UBA7: variants seen among roughly 807,000 people sequenced by gnomAD.
UBA7 encodes the protein ubiquitin-like modifier-activating enzyme 7.
UBA7 carries 88 observed loss-of-function variants against 113.0 expected under a neutral mutation model. That is an observed-to-expected ratio of 0.78 (90% CI 0.66 to 0.93). UBA7 has a LOEUF of 0.93. Among genes scored for constraint, UBA7 ranks in the 40% least tolerant of loss-of-function variants. The pLI is 0.00. For missense variants in UBA7, 1,092 were observed against 1,266.4 expected, an observed-to-expected ratio of 0.86 and a Z score of 2.09; for synonymous variants, 459 against 513.0, an observed-to-expected ratio of 0.89 and a Z score of 1.42.
chr3:49,807,725 C>T lies in UBA7; in HGVS notation c.2715+11G>A. The T allele has an allele frequency of 1.9e-6, 3 of 1,597,428 alleles. No homozygotes were observed. The highest frequency in any genetic ancestry group is 2.6e-6 in the Non-Finnish European group (3 of 1,171,210). On this transcript the variant is annotated intron_variant, in intron 21 of 23. Coordinates refer to ENST00000333486, the MANE Select transcript of UBA7 (RefSeq NM_003335.3). This position sits in a 1 kb window ranked among gnomAD's most constrained non-coding sequence, Gnocchi z 4.0. ...CCTAGTAGGGCTAAGGGTGGGGTAT[C>T]ATGGGCTCACCGTCTGGATGGCTGG...
At position 49,811,042 on chromosome 3, in the gene UBA7, G is replaced by T. The variant is rs777269239; in HGVS notation, c.1172C>A (p.Ala391Asp). Reference sequence around the variant, plus strand: ...CCCATCTTCCGGAAGACAATCGAGGGCATCAAAGTAAAGCCACTGGTCCAG... The same window carrying T: ...CCCATCTTCCGGAAGACAATCGAGGTCATCAAAGTAAAGCCACTGGTCCAG... ...MPLDQWLYFD[A>D]LDCLPEDGEL... Residue 391 changes from alanine to aspartate, a missense_variant, in exon 10 of 24, where the codon GCC becomes GAC. Coordinates refer to ENST00000333486, the MANE Select transcript of UBA7 (RefSeq NM_003335.3). The T allele has an allele frequency of 3.1e-6, 5 of 1,614,070 alleles. No individual in the cohort carries two copies. The highest frequency in any genetic ancestry group is 4.2e-6 in the Non-Finnish European group (5 of 1,180,008).
rs747354649 is a variant in UBA7 at position 49,810,323 on chromosome 3, C to G, written c.1573G>C (p.Gly525Arg). ...PLDPTTEHIY[G>R]DNFFSRVDGV... ...TCCACACGGGAGAAAAAGTTATCCC[C>G]ATAGATGTGCTCTGTGGTGGGATCC... Residue 525 changes from glycine to arginine, a missense_variant, in exon 13 of 24, where the codon GGG becomes CGG. This residue lies in a region of UBA7 where 584 missense variants were observed against 714.5 expected (regional missense o/e 0.82). Coordinates refer to ENST00000333486, the MANE Select transcript of UBA7 (RefSeq NM_003335.3). This position sits in a 1 kb window ranked among gnomAD's most constrained non-coding sequence, Gnocchi z 5.6. 5 of 1,614,074 alleles carry G rather than the reference C, an allele frequency of 3.1e-6. No individual in the cohort carries two copies. The East Asian group carries it at 1.1e-4, about 36-fold the overall frequency.
Position 49,813,275 on chromosome 3 carries a change from T to C in UBA7, c.334A>G (p.Thr112Ala). The change falls in exon 3 of 24, where the codon ACT becomes GCT. Residue 112 changes from threonine to alanine, a missense_variant. Thr to Ala is a moderately conservative substitution (Grantham distance 58). Coordinates refer to ENST00000333486, the MANE Select transcript of UBA7 (RefSeq NM_003335.3). ...TGGAAGTCCAACAGCAGGTCCTCAG[T>C]GATGTCACCCGTGTGCACGACGACC... ...VQVVVHTGDI[T>A]EDLLLDFQVV... The C allele has an allele frequency of 1.9e-6, 3 of 1,614,132 alleles. No homozygotes were observed. Among genetic ancestry groups the C allele is most frequent in the Non-Finnish European group, 2.5e-6 (3 of 1,180,016 alleles).
chr3:49,805,727 T>G (rs2081437058), intron 23 of UBA7, among the ~76,000 whole-genome samples, 170 bp downstream of exon 23: 1 of 152,102 alleles, frequency 6.6e-6, no homozygotes, highest in South Asian at 2.1e-4. Flanking sequence ...CTCCTCAGGC[T>G]CTCGGCCCTC....
Position 49,811,304 on chromosome 3 carries a change from AGCATG to A in UBA7, c.1086_1090del (p.Met363GlyfsTer26). 6.2e-7 allele frequency: 1 copy of A among 1,614,146 alleles called. No homozygotes were observed. Among genetic ancestry groups the A allele is most frequent in the Non-Finnish European group, 8.5e-7 (1 of 1,180,012 alleles). ...CACTTCCTGGGCAGCTACTGCACCCAGCATGGCCACCATAGGGCTCAAGACACCTG... is the reference window on the plus strand; with the variant it reads ...CACTTCCTGGGCAGCTACTGCACCCAGCCACCATAGGGCTCAAGACACCTG... On this transcript the variant is annotated frameshift_variant, in exon 9 of 24. Transcript: ENST00000333486. LOFTEE classifies it high-confidence loss of function.
In UBA7 at chr3:49,810,413, C is replaced by T; in HGVS notation, c.1483G>A (p.Val495Met). 2 of 1,614,122 alleles carry T rather than the reference C, an allele frequency of 1.2e-6. No homozygotes were observed. The highest frequency in any genetic ancestry group is 1.7e-6 in the Non-Finnish European group (2 of 1,180,012). ...AGGCCCCGGGCAGCTGCTGCAGCCACCTCTGCCTTGGGTCTCTGGGAAGAA... is the reference window on the plus strand; with the variant it reads ...AGGCCCCGGGCAGCTGCTGCAGCCATCTCTGCCTTGGGTCTCTGGGAAGAA... ...SQDVGRPKAE[V>M]AAAAARGLNP... Residue 495 changes from valine (V) to methionine (M), a missense_variant, in exon 13 of 24, where the codon GTG (valine) becomes ATG (methionine). Coordinates refer to ENST00000333486, the MANE Select transcript of UBA7 (RefSeq NM_003335.3). The surrounding 1 kb of genome is among the most constrained non-coding windows in gnomAD (Gnocchi z 5.6).
intron 23 of UBA7, 70 bp from the exon 24 acceptor site, chr3:49,805,507 C>T: frequency 6.8e-7 from 1 of 1,473,818 alleles, no homozygotes. Context: ...CTGGCATGGA[C>T]TAGAGAGGGT....
chr3:49,806,434 G>A (rs932595131), intron 21 of UBA7: 14 of 561,166 alleles, frequency 2.5e-5, no homozygotes, highest in Admixed American at 9.4e-5. Context: ...GGGATGAGGG[G>A]GTGGTGCTTC....
At position 49,812,039 on chromosome 3, in the gene UBA7, G is replaced by T. The variant is rs568676099; in HGVS notation, c.793-23C>A. ...CTTCTGCAAGGGCACCTGGCTCAGG[G>T]TCTAGTCCAGAATGCTATGGGCCCC... On this transcript the variant is annotated intron_variant, in intron 7 of 23. Transcript: ENST00000333486. The T allele has an allele frequency of 6.2e-6, 10 of 1,614,190 alleles. No homozygotes were observed. In the South Asian group the frequency reaches 9.9e-5, roughly 16 times the overall value.
At chr3:49,805,615 G>A (rs1258109144) in intron 23 of UBA7, among the ~76,000 whole-genome samples, 178 bp from the exon 24 acceptor site, 1 of 152,136 alleles carries the variant, frequency 6.6e-6, no homozygotes, top group Non-Finnish European at 1.5e-5. Flanking sequence ...GCAAGCAGGA[G>A]GCAGGAAGCT....
rs747969923 is a variant in UBA7 at position 49,810,761 on chromosome 3, G to A, written c.1302C>T (p.His434=). Residue 434 remains histidine, a synonymous_variant, in exon 11 of 24, where the codon CAC becomes CAT. Coordinates refer to ENST00000333486, the MANE Select transcript of UBA7 (RefSeq NM_003335.3). The surrounding 1 kb of genome is among the most constrained non-coding windows in gnomAD (Gnocchi z 5.6). ...AGFQEKLRRQ[H]YLLVGAGAIG... is the part of the protein sequence containing the mutation. The stretch of plus-strand genomic sequence containing the variant: ...TCACCCCACAGCTCACCAGGAGGTA[G>A]TGCTGGCGTCTCAGTTTCTCCTGAA... 1.2e-6 allele frequency: 2 copies of A among 1,614,050 alleles called. No individual in the cohort carries two copies. Among genetic ancestry groups the A allele is most frequent in the Admixed American group, 1.7e-5 (1 of 60,010 alleles).
chr3:49,809,907 A>G (rs2108300529), intron 14 of UBA7, 28 bp from the exon 15 acceptor site: 8 of 1,614,136 alleles, frequency 5.0e-6, no homozygotes, highest in Non-Finnish European at 6.8e-6. Flanking sequence ...AGAATGAGGT[A>G]TCAGGTGGAG....
In UBA7 at chr3:49,809,570, T is replaced by G. The variant is rs768436751; in HGVS notation, c.2060A>C (p.Gln687Pro). Residue 687 changes from glutamine (Q) to proline (P), a missense_variant, in exon 16 of 24, where the codon CAG becomes CCG. Physicochemically the swap from Gln to Pro is moderately conservative, Grantham distance 76. Transcript: ENST00000333486. ...ATTAGGTGGGAAGTGCCTCAGCAGC[T>G]GTTTGATGCCATAATGAAAGCAGAG... Reference protein sequence around the residue: ...WKLCFHYGIKQLLRHFPPNKV... With the variant: ...WKLCFHYGIKPLLRHFPPNKV... The G allele has an allele frequency of 6.2e-7, 1 of 1,614,092 alleles. No homozygotes were observed. The highest frequency in any genetic ancestry group is 1.7e-5 in the Admixed American group (1 of 60,026).
At chr3:49,808,237 C>G in intron 19 of UBA7, 125 bp from the exon 20 acceptor site, 1 of 1,512,504 alleles carries the variant, frequency 6.6e-7, no homozygotes, top group Admixed American at 1.7e-5. Context: ...TCCTCTTGAT[C>G]AGACAGGCTG....
At position 49,813,543 on chromosome 3, in the gene UBA7, A is replaced by C; in HGVS notation, c.161T>G (p.Met54Arg). ...GAEVAKNLVL[M>R]GVGSLTLHDP... Reference sequence around the variant, plus strand: ...ATGCAGAGTGAGGCTGCCCACACCCATCAGAACCAAGTTCTTGGCCACCTC... The same window carrying C: ...ATGCAGAGTGAGGCTGCCCACACCCCTCAGAACCAAGTTCTTGGCCACCTC... Residue 54 changes from methionine to arginine, a missense_variant, in exon 2 of 24, where the codon ATG becomes AGG. Met to Arg is a moderately conservative substitution (Grantham distance 91). This residue lies in a region of UBA7 where 584 missense variants were observed against 714.5 expected (regional missense o/e 0.82). Transcript: ENST00000333486. 1 of 1,614,038 alleles carries C rather than the reference A, an allele frequency of 6.2e-7. No homozygotes were observed. The highest frequency in any genetic ancestry group is 8.5e-7 in the Non-Finnish European group (1 of 1,180,030).
Position 49,809,413 on chromosome 3 carries a change from G to T in UBA7, c.2140C>A (p.Pro714Thr). 1.2e-6 allele frequency: 2 copies of T among 1,614,162 alleles called. No homozygotes were observed. The highest frequency in any genetic ancestry group is 1.7e-6 in the Non-Finnish European group (2 of 1,180,014). Residue 714 changes from proline to threonine, a missense_variant, in exon 17 of 24, where the codon CCC (proline) becomes ACC (threonine). Transcript: ENST00000333486. ...ACTTGGTTGGTGTCAAACTCCAAGG[G>T]CTGGGGACACTGTTTGGGACCTGAC... ...FWSGPKQCPQ[P>T]LEFDTNQDTH...
intron 4 of UBA7, 43 bp from the exon 5 acceptor site, chr3:49,812,781 G>A (rs759974682): frequency 6.2e-7 from 1 of 1,604,212 alleles, no homozygotes; most frequent in Non-Finnish European, 8.5e-7. Context: ...CTTACAGATT[G>A]TACTTAAGGA....
At position 49,808,475 on chromosome 3, in the gene UBA7, G is replaced by A. The variant is rs760979719; in HGVS notation, c.2348-7C>T. On this transcript the variant is annotated splice_region_variant and splice_polypyrimidine_tract_variant and intron_variant, in intron 18 of 23. Coordinates refer to ENST00000333486, the MANE Select transcript of UBA7 (RefSeq NM_003335.3). ...TCCTTCTGCTGCTCAGGGCCTGTCA[G>A]GGGAGGGGATGTTGAGGCAGTCCTT... The A allele has an allele frequency of 6.2e-7, 1 of 1,613,862 alleles. No homozygotes were observed. Among genetic ancestry groups the A allele is most frequent in the Non-Finnish European group, 8.5e-7 (1 of 1,179,866 alleles).
chr3:49,810,591 T>G lies in UBA7; in HGVS notation c.1393A>C (p.Thr465Pro), dbSNP rs746868000. ...GLGAGNSGGL[T>P]VVDMDHIERS... ...TCTATGTGGTCCATGTCAACAACAG[T>G]CAAGCCCCCGCTGTTCCCGGCCCCC... is the stretch of plus-strand genomic sequence containing the variant. The change falls in exon 12 of 24, where the codon ACT (threonine) becomes CCT (proline). Residue 465 changes from threonine (T) to proline (P), a missense_variant. By Grantham distance (38) the Thr-to-Pro change is conservative. Coordinates refer to ENST00000333486, the MANE Select transcript of UBA7 (RefSeq NM_003335.3). The surrounding 1 kb of genome is among the most constrained non-coding windows in gnomAD (Gnocchi z 5.6). The G allele has an allele frequency of 6.2e-6, 10 of 1,613,844 alleles. No individual in the cohort carries two copies. In the Admixed American group the frequency reaches 6.7e-5, roughly 11 times the overall value.
Sources: gnomAD v4.1 joint callset for allele counts (sites outside exome capture counted in the v4.1 genomes callset) on GRCh38, gnomAD v4.1.1 for gene constraint, gnomAD v4.1.1 regional missense constraint, Gnocchi (gnomAD v3.1) non-coding constraint, MANE v1.5 for transcripts, NCBI Gene and HGNC (gene_info 2026-07-23, HGNC 2026-07-21) for gene names.